The following DSE variants were observed in gnomAD, a reference collection of about 807,000 sequenced individuals.
The protein encoded by DSE is dermatan-sulfate epimerase.
A neutral mutation model predicts 84.4 loss-of-function variants in DSE; 36 were observed. That is an observed-to-expected ratio of 0.43 (90% CI 0.33 to 0.56). DSE has a LOEUF of 0.56. Among genes scored for constraint, DSE ranks in the 20% least tolerant of loss-of-function variants. The pLI is 0.06. For missense variants in DSE, 862 were observed against 1,169.6 expected, an observed-to-expected ratio of 0.74 and a Z score of 3.84; for synonymous variants, 410 against 430.1, an observed-to-expected ratio of 0.95 and a Z score of 0.58.
intron 2 of DSE, among the ~76,000 whole-genome samples, chr6:116,309,073 TTTTTA>T (rs1403072673): frequency 3.3e-5 from 5 of 152,034 alleles, no homozygotes; most frequent in African/African-American, 1.2e-4. Flanking sequence ...TTACTAAAAG[TTTTTA>T]TTTTGTTTAG....
chr6:116,434,778 A>C (rs1235761085), intron 5 of DSE, among the ~76,000 whole-genome samples: 3 of 152,216 alleles, frequency 2.0e-5, no homozygotes, highest in Non-Finnish European at 4.4e-5. Context: ...CTCTAGAACA[A>C]CAGATGAAAC....
At chr6:116,392,374 T>A (rs1170232036) in intron 1 of DSE, among the ~76,000 whole-genome samples, 1 of 152,122 alleles carries the variant, frequency 6.6e-6, no homozygotes, top group Non-Finnish European at 1.5e-5. Flanking sequence ...TCAGGAACAT[T>A]CATTTGTCGG....
intron 2 of DSE, among the ~76,000 whole-genome samples, chr6:116,265,000 A>G (rs1034531302): frequency 1.3e-5 from 2 of 152,184 alleles, no homozygotes; most frequent in African/African-American, 2.4e-5. Flanking sequence ...GATGGGTGGT[A>G]TCAGCCAAAG....
intron 2 of DSE, among the ~76,000 whole-genome samples, chr6:116,323,057 G>A (rs989097292): frequency 3.9e-5 from 6 of 152,228 alleles, no homozygotes; most frequent in Admixed American, 6.5e-5. Flanking sequence ...AGTATTTTGC[G>A]CTTTACTGGT....
intron 1 of DSE, among the ~76,000 whole-genome samples, chr6:116,376,615 G>T (rs946521444): frequency 6.6e-6 from 1 of 152,170 alleles, no homozygotes; most frequent in Non-Finnish European, 1.5e-5. Context: ...GTTTGCTTCA[G>T]CTCCCTTGGA....
At chr6:116,364,828 C>CTTTTTTTTTTTTTTTTTTTTTTTT (rs1211909933) in intron 2 of DSE, among the ~76,000 whole-genome samples, 1 of 131,196 alleles carries the variant, frequency 7.6e-6, no homozygotes, top group Non-Finnish European at 1.6e-5. Flanking sequence ...TTTAGTAACA[C>CTTTTTTTTTTTTTTTTTTTTTTTT]TTTTTTTTTT....
intron 1 of DSE, among the ~76,000 whole-genome samples, chr6:116,383,547 T>A (rs1280270479): frequency 6.6e-6 from 1 of 152,234 alleles, no homozygotes; most frequent in Non-Finnish European, 1.5e-5. Context: ...CATGAACTTG[T>A]GCATGCACAC....
intron 2 of DSE, among the ~76,000 whole-genome samples, chr6:116,313,700 AT>A (rs1775819077): frequency 6.6e-6 from 1 of 152,146 alleles, no homozygotes; most frequent in African/African-American, 2.4e-5. Context: ...TTTTTCTCTT[AT>A]TTTAGTTACA....
intron 2 of DSE, among the ~76,000 whole-genome samples, chr6:116,348,853 T>A (rs910547750): frequency 1.3e-5 from 2 of 152,146 alleles, no homozygotes; most frequent in African/African-American, 4.8e-5. Context: ...GAAACCATCA[T>A]TCTGAGCAAA....
intron 1 of DSE, among the ~76,000 whole-genome samples, chr6:116,373,406 A>G (rs1779731031): frequency 6.6e-6 from 1 of 152,182 alleles, no homozygotes; most frequent in African/African-American, 2.4e-5. Flanking sequence ...CAGTACAGGC[A>G]GTTGCCATGA....
chr6:116,417,296 T>C (rs1044969287), intron 2 of DSE, among the ~76,000 whole-genome samples: 1 of 152,222 alleles, frequency 6.6e-6, no homozygotes, highest in African/African-American at 2.4e-5. Flanking sequence ...ATTTGGGTAA[T>C]AACACTTCAT....
At chr6:116,353,680 AC>A (rs1192392896) in intron 2 of DSE, among the ~76,000 whole-genome samples, 1 of 152,214 alleles carries the variant, frequency 6.6e-6, no homozygotes, top group East Asian at 1.9e-4. Flanking sequence ...TGGAACAAAT[AC>A]ATTGCACAGC....
chr6:116,273,633 T>C (rs1772979635), intron 2 of DSE, among the ~76,000 whole-genome samples: 1 of 152,002 alleles, frequency 6.6e-6, no homozygotes, highest in African/African-American at 2.4e-5. Context: ...TTGTGTGCAG[T>C]AGATGTTTTG....
At position 116,434,306 on chromosome 6, in the gene DSE, G is replaced by A. The variant is rs368785923; in HGVS notation, c.1118+756G>A. On this transcript the variant is annotated intron_variant, in intron 5 of 5. Coordinates refer to ENST00000644252, the MANE Select transcript of DSE (RefSeq NM_013352.4). ...ATGTCTTTTCAAGCTGTTGAAATTT[G>A]CATTCAACTCCAAAACAAGCTTTCT... 2.9e-4 allele frequency among the ~76,000 whole-genome samples: 44 copies of A among 152,152 alleles called. 2 individuals carry two copies. The South Asian group carries it at 9.1e-3, about 32-fold the overall frequency.
At chr6:116,400,370 A>G (rs1417863466) in intron 2 of DSE, 1 of 152,218 alleles carries the variant, frequency 6.6e-6, no homozygotes, top group Non-Finnish European at 1.5e-5. Flanking sequence ...GTTTTTACTC[A>G]TGCAATTTTT....
At chr6:116,383,445 G>A (rs1019109569) in intron 1 of DSE, among the ~76,000 whole-genome samples, 1 of 152,052 alleles carries the variant, frequency 6.6e-6, no homozygotes, top group African/African-American at 2.4e-5. Flanking sequence ...GCCAAGAATG[G>A]GGCTAACACT....
chr6:116,257,495 T>TTAGTCC (rs1255023096), intron 1 of DSE, among the ~76,000 whole-genome samples: 4 of 152,232 alleles, frequency 2.6e-5, no homozygotes, highest in Non-Finnish European at 5.9e-5. Context: ...TTTACCTGTC[T>TTAGTCC]TAGTCCATTC....
intron 2 of DSE, among the ~76,000 whole-genome samples, chr6:116,306,654 A>T (rs1376389339): frequency 1.3e-5 from 2 of 152,212 alleles, no homozygotes; most frequent in Non-Finnish European, 2.9e-5. Context: ...CTAGGCAGAT[A>T]CAACTCTTCC....
At position 116,427,486 on chromosome 6, in the gene DSE, T is replaced by C. The variant is rs546737974; in HGVS notation, c.670+659T>C. Among the ~76,000 whole-genome samples, 207 of 152,326 alleles carry C rather than the reference T, an allele frequency of 1.4e-3. 1 individual carries two copies. Among genetic ancestry groups the C allele is most frequent in the African/African-American group, 4.9e-3 (205 of 41,566 alleles). ...AGAATATTAAATATATAATTGGAGATTGGAAATCTAACAGAATTTAACTCG... is the reference window on the plus strand; with the variant it reads ...AGAATATTAAATATATAATTGGAGACTGGAAATCTAACAGAATTTAACTCG... On this transcript the variant is annotated intron_variant, in intron 3 of 5. Coordinates refer to ENST00000644252, the MANE Select transcript of DSE (RefSeq NM_013352.4).
Sources: gnomAD v4.1 joint callset for allele counts (sites outside exome capture counted in the v4.1 genomes callset) on GRCh38, gnomAD v4.1.1 for gene constraint, MANE v1.5 for transcripts, NCBI Gene and HGNC (gene_info 2026-07-23, HGNC 2026-07-21) for gene names.